DYNC1H1: variants seen among roughly 807,000 people sequenced by gnomAD.
The protein encoded by DYNC1H1 is dynein cytoplasmic 1 heavy chain 1, also known as cytoplasmic dynein 1 heavy chain 1.
Under a neutral mutation model 527.1 loss-of-function variants are expected in DYNC1H1, and 51 were observed. The ratio of observed to expected loss-of-function variants is 0.10; its 90% CI spans 0.08 to 0.12. DYNC1H1 has a LOEUF of 0.12. DYNC1H1 is among the 10% of genes least tolerant of loss of function. The pLI is 1.00. For synonymous variants in DYNC1H1, 2,189 were observed against 2,278.8 expected (o/e 0.96, Z 1.12); for missense variants, 2,771 against 5,971.8 (o/e 0.46, Z 17.66).
intron 9 of DYNC1H1, 62 bp downstream of exon 9, chr14:101,987,694 T>G (rs933744316): frequency 6.3e-7 from 1 of 1,584,432 alleles, no homozygotes; most frequent in Admixed American, 1.7e-5. Flanking sequence ...CCAGTAAGCT[T>G]ATTAGTTTGT....
intron 34 of DYNC1H1, among the ~76,000 whole-genome samples, chr14:102,014,673 A>C (rs1423464391): frequency 3.9e-5 from 6 of 152,172 alleles, no homozygotes. Flanking sequence ...CTGTGCCCTC[A>C]AGAACAGTGG....
Position 102,036,866 on chromosome 14 carries a change from G to A in DYNC1H1, c.10908+224G>A. On this transcript the variant is annotated intron_variant, in intron 57 of 77. Coordinates refer to ENST00000360184, the MANE Select transcript of DYNC1H1 (RefSeq NM_001376.5). This position sits in a 1 kb window ranked among gnomAD's most constrained non-coding sequence, Gnocchi z 5.6. ...CACACCTGTAATCTCAGCACTTTGG[G>A]AGGCCGAGGCGGGTGGATCATCTAA... 1 of 489,540 alleles carries A rather than the reference G, an allele frequency of 2.0e-6. No individual in the cohort carries two copies. Among genetic ancestry groups the A allele is most frequent in the Non-Finnish European group, 3.7e-6 (1 of 271,830 alleles). The allele number at this position is 489,540 out of a possible 1,614,324, so 30.3% of individuals were successfully genotyped here.
intron 72 of DYNC1H1, 21 bp from the exon 73 acceptor site, chr14:102,047,796 G>A (rs200937088): frequency 2.3e-5 from 37 of 1,612,324 alleles, no homozygotes; most frequent in East Asian, 1.6e-4. Flanking sequence ...TTCCTGCTGC[G>A]ACTGTGGGAC....
At position 102,011,091 on chromosome 14, in the gene DYNC1H1, C is replaced by A; in HGVS notation, c.6618+139C>A. ...CATAATATGCTTTATGAAGATTTGC[C>A]CAAGGCCTATTTGAATTTTTGTTGT... On this transcript the variant is annotated intron_variant, in intron 32 of 77. Coordinates refer to ENST00000360184, the MANE Select transcript of DYNC1H1 (RefSeq NM_001376.5). The surrounding 1 kb of genome is among the most constrained non-coding windows in gnomAD (Gnocchi z 5.3). The A allele has an allele frequency of 1.1e-6, 1 of 921,674 alleles. No individual in the cohort carries two copies. The highest frequency in any genetic ancestry group is 2.5e-5 in the East Asian group (1 of 39,848). 57.1% of individuals were successfully genotyped at this position (921,674 alleles called of 1,614,324 possible).
rs888028926 is a variant in DYNC1H1 at position 102,031,381 on chromosome 14, C to T, written c.9884-891C>T. ...TCCTGAGTAGCTGGAACTATAGGTG[C>T]GCGCCGCCACACCCAGCTAATTTTT... On this transcript the variant is annotated intron_variant, in intron 51 of 77. Coordinates refer to ENST00000360184, the MANE Select transcript of DYNC1H1 (RefSeq NM_001376.5). 4.6e-5 allele frequency among the ~76,000 whole-genome samples: 7 copies of T among 152,110 alleles called. 1 individual carries two copies. The South Asian group carries it at 1.2e-3, about 27-fold the overall frequency.
At chr14:102,028,180 C>G (rs758507550) in intron 48 of DYNC1H1, 39 bp downstream of exon 48, 1 of 1,606,978 alleles carries the variant, frequency 6.2e-7, no homozygotes, top group Non-Finnish European at 8.5e-7. Flanking sequence ...AACCACAAAA[C>G]TAACCATCAT....
intron 52 of DYNC1H1, 102 bp from the exon 53 acceptor site, chr14:102,032,963 A>C: frequency 8.3e-7 from 1 of 1,211,190 alleles, no homozygotes; most frequent in Non-Finnish European, 1.2e-6. Context: ...CACTGGGGCA[A>C]TGAGATGGGA....
At position 102,016,510 on chromosome 14, in the gene DYNC1H1, C is replaced by A; in HGVS notation, c.7614+21C>A. On this transcript the variant is annotated intron_variant, in intron 37 of 77. Coordinates refer to ENST00000360184, the MANE Select transcript of DYNC1H1 (RefSeq NM_001376.5). This position sits in a 1 kb window ranked among gnomAD's most constrained non-coding sequence, Gnocchi z 7.3. ...ATGAGGTGAGCATGCAGCTACCACCCGTGTTTCTGATTCTCGCCTTGTTGA... is the reference window on the plus strand; with the variant it reads ...ATGAGGTGAGCATGCAGCTACCACCAGTGTTTCTGATTCTCGCCTTGTTGA... 1 of 1,614,130 alleles carries A rather than the reference C, an allele frequency of 6.2e-7. No individual in the cohort carries two copies. The highest frequency in any genetic ancestry group is 1.1e-5 in the South Asian group (1 of 91,058).
Position 102,039,642 on chromosome 14 carries a change from C to T in DYNC1H1, c.11600C>T (p.Ala3867Val), listed in dbSNP as rs757163052. Residue 3867 changes from alanine to valine, a missense_variant, in exon 62 of 78, where the codon GCG (alanine) becomes GTG (valine). This residue lies in a region of DYNC1H1 where 283 missense variants were observed against 737.6 expected (regional missense o/e 0.38). Transcript: ENST00000360184. This position sits in a 1 kb window ranked among gnomAD's most constrained non-coding sequence, Gnocchi z 7.0. The part of the protein sequence containing the change: ...SIITKDLFQV[A>V]FNRVARGMLH... ...CGTCTCCTGCTCTTGTCCCAGGTGG[C>T]GTTTAACCGAGTGGCTCGAGGCATG... The T allele has an allele frequency of 2.5e-6, 4 of 1,614,000 alleles. No homozygotes were observed. The highest frequency in any genetic ancestry group is 1.7e-6 in the Non-Finnish European group (2 of 1,180,032).
At position 102,019,925 on chromosome 14, in the gene DYNC1H1, T is replaced by C. The variant is rs747369384; in HGVS notation, c.8376T>C (p.Tyr2792=). ...TCACCCAGGATACACAACCTCACTA[T>C]ATCTATTCACCCCGTGAAATGACTA... is the stretch of plus-strand genomic sequence containing the variant. ...ERFTQDTQPH[Y]IYSPREMTRW... The change falls in exon 42 of 78, where the codon TAT becomes TAC. Residue 2792 remains tyrosine, a synonymous_variant. Coordinates refer to ENST00000360184, the MANE Select transcript of DYNC1H1 (RefSeq NM_001376.5). 1 of 1,614,214 alleles carries C rather than the reference T, an allele frequency of 6.2e-7. No individual in the cohort carries two copies. The highest frequency in any genetic ancestry group is 8.5e-7 in the Non-Finnish European group (1 of 1,180,040).
chr14:101,984,399 A>ATGTGTGTGTG (rs1357179017), intron 7 of DYNC1H1, among the ~76,000 whole-genome samples: 9 of 87,542 alleles, frequency 1.0e-4, no homozygotes, highest in African/African-American at 4.6e-4. Flanking sequence ...ATATGCGTAT[A>ATGTGTGTGTG]TATGTGTGTG....
chr14:102,007,279 T>G (rs2048207511), intron 28 of DYNC1H1, among the ~76,000 whole-genome samples, 171 bp downstream of exon 28: 1 of 152,220 alleles, frequency 6.6e-6, no homozygotes, highest in Non-Finnish European at 1.5e-5. Context: ...GTTTGAGGTG[T>G]CCAGCATACA....
chr14:102,033,912 G>T lies in DYNC1H1; in HGVS notation c.10414-64G>T. 1 of 1,562,122 alleles carries T rather than the reference G, an allele frequency of 6.4e-7. No individual in the cohort carries two copies. The highest frequency in any genetic ancestry group is 8.8e-7 in the Non-Finnish European group (1 of 1,137,470). ...GCACATAATGTGGATGAACCGATTT[G>T]CAGGATTCGGTATAAATCCTGAAAG... On this transcript the variant is annotated intron_variant, in intron 54 of 77. Transcript: ENST00000360184. The surrounding 1 kb of genome is among the most constrained non-coding windows in gnomAD (Gnocchi z 5.6).
At chr14:102,032,164 C>G in intron 51 of DYNC1H1, 108 bp from the exon 52 acceptor site, 1 of 1,355,276 alleles carries the variant, frequency 7.4e-7, no homozygotes, top group Non-Finnish European at 1.1e-6. Context: ...GCTAGCTGTC[C>G]TTTCTCTCAT....
intron 77 of DYNC1H1, 64 bp downstream of exon 77, chr14:102,050,262 G>A (rs377273204): frequency 1.7e-5 from 28 of 1,613,202 alleles, no homozygotes; most frequent in East Asian, 1.6e-4. Flanking sequence ...GGGCAGAGGC[G>A]GCTCCTCTTC....
chr14:102,006,573 T>C (rs1183716481), intron 27 of DYNC1H1, among the ~76,000 whole-genome samples: 1 of 151,622 alleles, frequency 6.6e-6, no homozygotes, highest in Non-Finnish European at 1.5e-5. Flanking sequence ...CATTCTAAAA[T>C]CTTAAATTTG....
In DYNC1H1 at chr14:101,985,931, G is replaced by A. The variant is rs797045178; in HGVS notation, c.1706G>A (p.Arg569Gln). The A allele has an allele frequency of 1.2e-6, 2 of 1,614,078 alleles. No individual in the cohort carries two copies. Among genetic ancestry groups the A allele is most frequent in the Admixed American group, 1.7e-5 (1 of 60,008 alleles). The change falls in exon 8 of 78, where the codon CGG becomes CAG. Residue 569 changes from arginine (R) to glutamine (Q), a missense_variant. Physicochemically the swap from Arg to Gln is conservative, Grantham distance 43. Around this residue, in one of 32 missense-constraint regions of DYNC1H1, gnomAD observed 264 missense variants for 619.4 expected, o/e 0.43. Transcript: ENST00000360184. The surrounding 1 kb of genome is among the most constrained non-coding windows in gnomAD (Gnocchi z 5.9). ...GAGACCCGGATCACCGCTCGCCTTC[G>A]GGATCAGCTTGGCACAGCCAAGAAT... ...RVETRITARL[R>Q]DQLGTAKNAN...
chr14:102,037,152 G>A (rs979502996), intron 57 of DYNC1H1: 13 of 178,774 alleles, frequency 7.3e-5, no homozygotes, highest in East Asian at 2.8e-4. Context: ...ACAGCCAGGC[G>A]TGGTGGCTTA....
In DYNC1H1 at chr14:102,027,595, A is replaced by C. The variant is rs749925648; in HGVS notation, c.9049-24A>C. On this transcript the variant is annotated intron_variant, in intron 46 of 77. Coordinates refer to ENST00000360184, the MANE Select transcript of DYNC1H1 (RefSeq NM_001376.5). The surrounding 1 kb of genome is among the most constrained non-coding windows in gnomAD (Gnocchi z 7.7). ...ATTACGTGTTACCGGGGGACCAGTA[A>C]GTCAGCACTGTGCTGTTTCCCAGGT... 1 of 1,614,206 alleles carries C rather than the reference A, an allele frequency of 6.2e-7. No homozygotes were observed. Among genetic ancestry groups the C allele is most frequent in the South Asian group, 1.1e-5 (1 of 91,078 alleles).
Sources: gnomAD v4.1 joint callset for allele counts (sites outside exome capture counted in the v4.1 genomes callset) on GRCh38, gnomAD v4.1.1 for gene constraint, gnomAD v4.1.1 regional missense constraint, Gnocchi (gnomAD v3.1) non-coding constraint, MANE v1.5 for transcripts, NCBI Gene and HGNC (gene_info 2026-07-23, HGNC 2026-07-21) for gene names.